The following RIC3 variants were observed in gnomAD, a reference collection of about 807,000 sequenced individuals.
RIC3 encodes the protein protein RIC-3.
In RIC3, 28 loss-of-function variants were observed where a neutral mutation model predicts 27.3. That is an observed-to-expected ratio of 1.02 (90% CI 0.76 to 1.41). The LOEUF (loss-of-function observed/expected upper bound fraction) is 1.41, where lower values mean the gene tolerates loss of function less well. RIC3 is among the 40% of genes most tolerant of loss of function. The pLI is 0.00. For missense variants in RIC3, 501 were observed against 444.7 expected, an observed-to-expected ratio of 1.13 and a Z score of -1.14; for synonymous variants, 184 against 160.4, an observed-to-expected ratio of 1.15 and a Z score of -1.11.
chr11:8,118,299 C>T (rs1039192103), intron 5 of RIC3, among the ~76,000 whole-genome samples: 28 of 148,988 alleles, frequency 1.9e-4, no homozygotes, highest in Non-Finnish European at 2.7e-4. Context: ...TATGAGGAAA[C>T]CAGCAGTTCA....
At chr11:8,098,655 A>G in the RIC3 span, 750 of 831,558 alleles carry the variant, frequency 9.0e-4, 5 homozygotes, top group African/African-American at 0.011. Flanking sequence ...CTCCTGTTCC[A>G]GCCCAGAATG....
the RIC3 span, chr11:8,098,838 G>A: frequency 1.9e-6 from 3 of 1,614,176 alleles, no homozygotes; most frequent in Non-Finnish European, 2.5e-6. Context: ...ACTTTGGAAA[G>A]TGGAACCTTA....
chr11:8,164,266 T>G (rs1039387466), intron 1 of RIC3, among the ~76,000 whole-genome samples: 2 of 152,212 alleles, frequency 1.3e-5, no homozygotes, highest in East Asian at 3.8e-4. Context: ...ACCTTGGATT[T>G]GGCAATTTGT....
chr11:8,155,313 C>T (rs1238734231), intron 1 of RIC3, among the ~76,000 whole-genome samples: 2 of 151,828 alleles, frequency 1.3e-5, no homozygotes, highest in African/African-American at 2.4e-5. Flanking sequence ...AGGTGGCTCA[C>T]GTCTGTAATC....
At chr11:8,105,715 C>T (rs1348462029), downstream of RIC3, 1 of 152,154 alleles carries the variant, frequency 6.6e-6, no homozygotes, top group African/African-American at 2.4e-5. Flanking sequence ...CTCATCACTA[C>T]CTTTATAGCT....
downstream of RIC3, chr11:8,101,846 TTCTTTC>T: frequency 4.0e-6 from 2 of 503,054 alleles, no homozygotes; most frequent in Non-Finnish European, 6.3e-6. Context: ...ATGAGAATAA[TTCTTTC>T]CATGCCACGA....
At chr11:8,100,872 G>A in the RIC3 span, 2 of 1,614,186 alleles carry the variant, frequency 1.2e-6, no homozygotes, top group Admixed American at 1.7e-5. Flanking sequence ...AACACGGAGA[G>A]TATCATCGAG....
chr11:8,164,490 A>C (rs921892231), intron 1 of RIC3, among the ~76,000 whole-genome samples: 4 of 152,150 alleles, frequency 2.6e-5, no homozygotes. Flanking sequence ...CAATAAAGAC[A>C]AGACGCCAAG....
At chr11:8,116,379 T>C (rs1427598592) in intron 5 of RIC3, among the ~76,000 whole-genome samples, 1 of 152,214 alleles carries the variant, frequency 6.6e-6, no homozygotes, top group Non-Finnish European at 1.5e-5. Flanking sequence ...TGGACAATGA[T>C]ATTTTTGGAT....
At position 8,137,410 on chromosome 11, in the gene RIC3, T is replaced by C. The variant is rs1165359719; in HGVS notation, c.489A>G (p.Lys163=). The C allele has an allele frequency of 2.5e-6, 4 of 1,614,018 alleles. No homozygotes were observed. The highest frequency in any genetic ancestry group is 4.5e-5 in the East Asian group (2 of 44,890). The change falls in exon 4 of 6, where the codon AAA becomes AAG. Residue 163 remains lysine, a synonymous_variant. Coordinates refer to ENST00000309737, the MANE Select transcript of RIC3 (RefSeq NM_001206671.4). Reference sequence around the variant, plus strand: ...CATTAGGTCCCACTCTGTTGATTAATTTTTCCATGGCTGCTTCTGTCTCCT... The same window carrying C: ...CATTAGGTCCCACTCTGTTGATTAACTTTTCCATGGCTGCTTCTGTCTCCT... ...KLKETEAAME[K]LINRVGPNGE...
chr11:8,163,795 C>G (rs527842865), intron 1 of RIC3, among the ~76,000 whole-genome samples: 1 of 144,782 alleles, frequency 6.9e-6, no homozygotes, highest in Admixed American at 7.0e-5. Flanking sequence ...TTCACTCTAT[C>G]AAAATCCCAA....
Position 8,107,451 on chromosome 11 carries a change from A to G in RIC3, c.*3247T>C, listed in dbSNP as rs1422937399. 6.6e-6 allele frequency: 1 copy of G among 152,202 alleles called. No homozygotes were observed. Among genetic ancestry groups the G allele is most frequent in the African/African-American group, 2.4e-5 (1 of 41,450 alleles). The allele number at this position is 152,202 out of a possible 1,614,324, so 9.4% of individuals were successfully genotyped here. Reference sequence around the variant, plus strand: ...TAGTCATCAGGTTCAAAAATCTTAAATGGCTATAGACAGGGGTGACCCTAC... The same window carrying G: ...TAGTCATCAGGTTCAAAAATCTTAAGTGGCTATAGACAGGGGTGACCCTAC... On this transcript the variant is annotated 3_prime_UTR_variant, in exon 6 of 6. Transcript: ENST00000309737.
At chr11:8,163,032 CACACACACACACACACACAT>C (rs957841361) in intron 1 of RIC3, among the ~76,000 whole-genome samples, 2 of 145,284 alleles carry the variant, frequency 1.4e-5, no homozygotes, top group Admixed American at 1.4e-4. Flanking sequence ...CACACACACA[CACACACACACACACACACAT>C]ACACACACAC....
At chr11:8,103,473 C>T (rs1423089666), downstream of RIC3, 2 of 151,974 alleles carry the variant, frequency 1.3e-5, no homozygotes, top group African/African-American at 4.8e-5. Context: ...AAGTAATATG[C>T]TCTCATTTCT....
chr11:8,165,288 T>C (rs1951575178), intron 1 of RIC3, among the ~76,000 whole-genome samples: 1 of 152,176 alleles, frequency 6.6e-6, no homozygotes, highest in South Asian at 2.1e-4. Context: ...AAAAATTCAA[T>C]GTCCATCAAT....
At chr11:8,095,496 A>G in the RIC3 span, 2 of 1,606,660 alleles carry the variant, frequency 1.2e-6, no homozygotes, top group Non-Finnish European at 1.7e-6. Flanking sequence ...CGTGGCCTGC[A>G]GGCACCAGCG....
At chr11:8,158,352 G>C (rs995473797) in intron 1 of RIC3, among the ~76,000 whole-genome samples, 1 of 152,108 alleles carries the variant, frequency 6.6e-6, no homozygotes, top group African/African-American at 2.4e-5. Context: ...GGCAGGGTCA[G>C]CAGGAAAGAT....
chr11:8,099,012 G>T, the RIC3 span: 4 of 702,736 alleles, frequency 5.7e-6, no homozygotes, highest in Non-Finnish European at 1.0e-5. Flanking sequence ...TCTGTGGAGT[G>T]TTCCTGGCCT....
At chr11:8,148,677 G>T in intron 1 of RIC3, among the ~76,000 whole-genome samples, 1 of 152,086 alleles carries the variant, frequency 6.6e-6, no homozygotes, top group East Asian at 1.9e-4. Flanking sequence ...ATCCTATTAT[G>T]TTCAAGATTC....
Sources: allele counts gnomAD v4.1 joint callset (sites outside exome capture counted in the v4.1 genomes callset), GRCh38; gene constraint gnomAD v4.1.1; transcripts MANE v1.5; gene names NCBI Gene and HGNC (gene_info 2026-07-23, HGNC 2026-07-21).